The following EYS variants were observed in gnomAD, a reference collection of about 807,000 sequenced individuals.
The protein encoded by EYS is EGF-like photoreceptor maintenance factor, also known as protein eyes shut homolog.
A neutral mutation model predicts 282.1 loss-of-function variants in EYS; 250 were observed. The ratio of observed to expected loss-of-function variants is 0.89; its 90% CI spans 0.80 to 0.98. The LOEUF (loss-of-function observed/expected upper bound fraction) is 0.98, where lower values mean the gene tolerates loss of function less well. Ranked by LOEUF, EYS falls within the 50% of genes least tolerant of loss-of-function variation. The pLI is 0.00. For synonymous variants in EYS, 1,355 were observed against 1,282.9 expected (o/e 1.06, Z -1.20); for missense variants, 4,016 against 3,709.0 (o/e 1.08, Z -2.15).
chr6:64,940,805 C>T (rs12528109), intron 15 of EYS, among the ~76,000 whole-genome samples: 59,458 of 151,840 alleles, frequency 0.39, 14,053 homozygotes, highest in Non-Finnish European at 0.52. Context: ...ACCTTATAAC[C>T]CACTTTAATC....
chr6:65,252,208 A>G (rs1160680439), intron 12 of EYS, among the ~76,000 whole-genome samples: 6 of 151,864 alleles, frequency 4.0e-5, no homozygotes, highest in African/African-American at 1.2e-4. Flanking sequence ...CAGAGGGAGG[A>G]GCTAAGCAAA....
At chr6:64,352,743 A>G (rs1771685043) in intron 29 of EYS, among the ~76,000 whole-genome samples, 1 of 151,572 alleles carries the variant, frequency 6.6e-6, no homozygotes, top group Non-Finnish European at 1.5e-5. Flanking sequence ...ATCTATATGG[A>G]AGAAAAAGGT....
At chr6:65,074,242 C>T (rs868203379) in intron 12 of EYS, among the ~76,000 whole-genome samples, 9 of 151,972 alleles carry the variant, frequency 5.9e-5, no homozygotes, top group African/African-American at 2.2e-4. Context: ...TGGTCCTGAA[C>T]TCTGTAATTA....
intron 23 of EYS, among the ~76,000 whole-genome samples, chr6:64,622,283 C>T (rs1013226555): frequency 1.3e-5 from 2 of 152,034 alleles, no homozygotes; most frequent in African/African-American, 4.8e-5. Flanking sequence ...CTTACCATGG[C>T]CCTGTCATGA....
At chr6:65,145,886 T>C (rs1325940039) in intron 12 of EYS, among the ~76,000 whole-genome samples, 1 of 151,996 alleles carries the variant, frequency 6.6e-6, no homozygotes, top group African/African-American at 2.4e-5. Context: ...TAGGAATATA[T>C]TACTGAACTC....
Position 65,471,593 on chromosome 6 carries a change from C to T in EYS, c.862+19001G>A, listed in dbSNP as rs370679317. Among the ~76,000 whole-genome samples the T allele has an allele frequency of 9.9e-5, 15 of 152,112 alleles. No homozygotes were observed. The East Asian group carries it at 1.5e-3, about 16-fold the overall frequency. On this transcript the variant is annotated intron_variant, in intron 5 of 42. Coordinates refer to ENST00000503581, the MANE Select transcript of EYS (RefSeq NM_001142800.2). ...TTGACATCATTGTAATTTATGTTGACGTAATTGAAAATTCAGAATATGATC... is the reference window on the plus strand; with the variant it reads ...TTGACATCATTGTAATTTATGTTGATGTAATTGAAAATTCAGAATATGATC...
intron 35 of EYS, among the ~76,000 whole-genome samples, chr6:63,897,079 G>A (rs77499320): frequency 3.3e-5 from 5 of 152,272 alleles, no homozygotes; most frequent in Admixed American, 2.0e-4. Flanking sequence ...TACTGATGTC[G>A]TGATCTCTCC....
chr6:64,897,505 T>C (rs900501945), intron 18 of EYS, among the ~76,000 whole-genome samples: 1 of 152,088 alleles, frequency 6.6e-6, no homozygotes, highest in Non-Finnish European at 1.5e-5. Context: ...GAAAAATCAG[T>C]GCAAAAAGGC....
chr6:64,388,636 GATTTTCAATAATT>G (rs1170021696), intron 29 of EYS, 41 bp downstream of exon 29: 70 of 1,362,200 alleles, frequency 5.1e-5, no homozygotes, highest in Non-Finnish European at 6.8e-5. Context: ...TCAATATGAT[GATTTTCAATAATT>G]ATTTTCAATA....
intron 15 of EYS, among the ~76,000 whole-genome samples, chr6:64,938,676 T>C (rs1768990576): frequency 6.6e-6 from 1 of 151,656 alleles, no homozygotes; most frequent in Non-Finnish European, 1.5e-5. Flanking sequence ...ATAGGAATTG[T>C]GTTTTTCTCC....
intron 12 of EYS, among the ~76,000 whole-genome samples, chr6:65,199,736 G>A (rs889168687): frequency 1.3e-5 from 2 of 152,194 alleles, no homozygotes; most frequent in Admixed American, 1.3e-4. Context: ...AGGAGAAACA[G>A]GAGTGGTAAG....
chr6:65,258,599 G>A (rs949999501), intron 12 of EYS, among the ~76,000 whole-genome samples: 5 of 152,054 alleles, frequency 3.3e-5, no homozygotes, highest in Admixed American at 3.3e-4. Context: ...TTAGGAAAAT[G>A]TCTTTCTTGC....
chr6:64,735,328 C>T (rs980749226), intron 22 of EYS, among the ~76,000 whole-genome samples: 5 of 152,168 alleles, frequency 3.3e-5, no homozygotes, highest in Non-Finnish European at 2.9e-5. Context: ...CGTGATCAGC[C>T]TGCCTTGGCC....
intron 2 of EYS, among the ~76,000 whole-genome samples, chr6:65,598,624 C>G (rs1168452333): frequency 2.0e-5 from 3 of 152,032 alleles, no homozygotes; most frequent in African/African-American, 7.2e-5. Context: ...TAAATTATAT[C>G]TCAGCTGTTT....
intron 28 of EYS, among the ~76,000 whole-genome samples, chr6:64,402,720 G>A (rs983802953): frequency 1.3e-5 from 2 of 152,114 alleles, no homozygotes; most frequent in Admixed American, 6.5e-5. Context: ...AAAATACCAT[G>A]CAATTCAATT....
At chr6:64,893,549 T>G (rs1290237314) in intron 18 of EYS, among the ~76,000 whole-genome samples, 1 of 148,712 alleles carries the variant, frequency 6.7e-6, no homozygotes, top group African/African-American at 2.6e-5. Context: ...AAATAAAAAT[T>G]ACTTTAAGAA....
At chr6:64,635,216 A>G (rs1444734069) in intron 22 of EYS, among the ~76,000 whole-genome samples, 1 of 152,056 alleles carries the variant, frequency 6.6e-6, no homozygotes, top group Non-Finnish European at 1.5e-5. Context: ...GCTTGAGGAG[A>G]TTTTGGGCTG....
At chr6:64,085,699 C>CT (rs1018655670) in intron 31 of EYS, among the ~76,000 whole-genome samples, 1 of 152,096 alleles carries the variant, frequency 6.6e-6, no homozygotes, top group Non-Finnish European at 1.5e-5. Flanking sequence ...ATGCCTATAA[C>CT]TTGTGAAGGT....
At chr6:64,265,114 C>T (rs1365030785) in intron 30 of EYS, among the ~76,000 whole-genome samples, 4 of 133,278 alleles carry the variant, frequency 3.0e-5, no homozygotes, top group Non-Finnish European at 6.8e-5. Flanking sequence ...ATTTAAGGCA[C>T]AGATTATTGA....
Sources: gnomAD v4.1 joint callset for allele counts (sites outside exome capture counted in the v4.1 genomes callset) on GRCh38, gnomAD v4.1.1 for gene constraint, MANE v1.5 for transcripts, NCBI Gene and HGNC (gene_info 2026-07-23, HGNC 2026-07-21) for gene names.